Variants in STX16 observed in about 807,000 individuals in gnomAD.
STX16 encodes syntaxin 16, also known as syntaxin-16.
A neutral mutation model predicts 42.7 loss-of-function variants in STX16; 28 were observed. The ratio of observed to expected loss-of-function variants is 0.66; its 90% CI spans 0.49 to 0.90. STX16 has a LOEUF of 0.90. Ranked by LOEUF, STX16 falls within the 40% of genes least tolerant of loss-of-function variation. The probability of loss-of-function intolerance (pLI) is 0.00; values close to 1 mark genes in which losing one functional copy is unlikely to be tolerated. For missense variants in STX16, 361 were observed against 420.9 expected (o/e 0.86, Z 1.24); for synonymous variants, 156 against 155.2 (o/e 1.00, Z -0.04).
chr20:58,657,232 TC>T lies in STX16; in HGVS notation c.133-2390del, dbSNP rs2083604744. On this transcript the variant is annotated intron_variant, in intron 1 of 8. Transcript: ENST00000371141. This position sits in a 1 kb window ranked among gnomAD's most constrained non-coding sequence, Gnocchi z 4.2. Reference sequence around the variant, plus strand: ...ATTCTAAGTTTTAGTACAAGCTGAGTCTGTTGGAAAATTAGTTCTCTGTCTT... The same window carrying T: ...ATTCTAAGTTTTAGTACAAGCTGAGTTGTTGGAAAATTAGTTCTCTGTCTT... Among the ~76,000 whole-genome samples the T allele has an allele frequency of 6.6e-6, 1 of 152,242 alleles. No homozygotes were observed. The highest frequency in any genetic ancestry group is 1.5e-5 in the Non-Finnish European group (1 of 68,044).
chr20:58,676,381 C>A lies in STX16; in HGVS notation c.*90C>A. 1 of 1,190,170 alleles carries A rather than the reference C, an allele frequency of 8.4e-7. No homozygotes were observed. The highest frequency in any genetic ancestry group is 1.3e-6 in the Non-Finnish European group (1 of 799,912). 73.7% of individuals were successfully genotyped at this position (1,190,170 alleles called of 1,614,324 possible). ...GCCCCGCCAGCTGCCCGCAGAGGTG[C>A]AGCCTCGAGGAATCTGAGGGCGTCG... is the stretch of plus-strand genomic sequence containing the variant. On this transcript the variant is annotated 3_prime_UTR_variant, in exon 9 of 9. Coordinates refer to ENST00000371141, the MANE Select transcript of STX16 (RefSeq NM_001001433.3).
intron 1 of STX16, among the ~76,000 whole-genome samples, chr20:58,655,175 TACAC>T (rs2083558629): frequency 6.6e-6 from 1 of 151,878 alleles, no homozygotes; most frequent in Non-Finnish European, 1.5e-5. Flanking sequence ...CAACTAAAAA[TACAC>T]CTAAAATAAC....
At chr20:58,664,386 C>A (rs916856042) in intron 2 of STX16, among the ~76,000 whole-genome samples, 9 of 152,268 alleles carry the variant, frequency 5.9e-5, no homozygotes, top group African/African-American at 2.2e-4. Flanking sequence ...TTATAATGAA[C>A]TATAGCTATA....
intron 8 of STX16, among the ~76,000 whole-genome samples, chr20:58,675,791 CTG>C (rs2084102678): frequency 6.6e-6 from 1 of 152,230 alleles, no homozygotes; most frequent in Non-Finnish European, 1.5e-5. Flanking sequence ...GGTGAAGGAA[CTG>C]TGCATTCGCT....
At chr20:58,664,351 T>A (rs1312217316) in intron 2 of STX16, among the ~76,000 whole-genome samples, 1 of 152,266 alleles carries the variant, frequency 6.6e-6, no homozygotes, top group African/African-American at 2.4e-5. Flanking sequence ...GACACATTTC[T>A]TCTCAATAGG....
intron 1 of STX16, among the ~76,000 whole-genome samples, chr20:58,652,666 C>T (rs2083496665): frequency 6.6e-6 from 1 of 151,960 alleles, no homozygotes; most frequent in Non-Finnish European, 1.5e-5. Flanking sequence ...TTTAACGGCC[C>T]CGCAGCCCTC....
At chr20:58,673,072 T>G (rs542013328) in intron 7 of STX16, among the ~76,000 whole-genome samples, 1 of 152,216 alleles carries the variant, frequency 6.6e-6, no homozygotes, top group African/African-American at 2.4e-5. Flanking sequence ...GTTTAAGAGA[T>G]TAAACAATTA....
Position 58,670,689 on chromosome 20 carries a change from A to G in STX16, c.648+86A>G, listed in dbSNP as rs1052108101. 4.5e-6 allele frequency: 5 copies of G among 1,102,482 alleles called. No individual in the cohort carries two copies. The African/African-American group carries it at 4.6e-5, about 10-fold the overall frequency. The allele number at this position is 1,102,482 out of a possible 1,614,324, so 68.3% of individuals were successfully genotyped here. On this transcript the variant is annotated intron_variant, in intron 6 of 8. Transcript: ENST00000371141. ...CCTCCTAGACCTCGATCTTCTGTGC[A>G]GTGTCAGTGGATTGATACAGTTGAC...
intron 2 of STX16, among the ~76,000 whole-genome samples, chr20:58,660,486 C>A (rs980358478): frequency 4.6e-5 from 7 of 152,112 alleles, no homozygotes; most frequent in African/African-American, 1.7e-4. Context: ...TTCAGATCTA[C>A]CTATATATTC....
At chr20:58,654,150 T>G (rs2083536694) in intron 1 of STX16, among the ~76,000 whole-genome samples, 1 of 152,172 alleles carries the variant, frequency 6.6e-6, no homozygotes, top group Non-Finnish European at 1.5e-5. Flanking sequence ...TTAAAAAATG[T>G]TTTCTAAATG....
chr20:58,662,818 C>T lies in STX16; in HGVS notation c.144+3184C>T, dbSNP rs369077370. Among the ~76,000 whole-genome samples, 15 of 152,292 alleles carry T rather than the reference C, an allele frequency of 9.8e-5. No individual in the cohort carries two copies. The East Asian group carries it at 1.7e-3, about 18-fold the overall frequency. On this transcript the variant is annotated intron_variant, in intron 2 of 8. Transcript: ENST00000371141. ...CTAGGATTACAGGCGTGAGCCACTGCGTCATCCTATGCCATTTTAAAAGTA... is the reference window on the plus strand; with the variant it reads ...CTAGGATTACAGGCGTGAGCCACTGTGTCATCCTATGCCATTTTAAAAGTA...
intron 6 of STX16, 31 bp downstream of exon 6, chr20:58,670,634 G>C: frequency 1.9e-6 from 3 of 1,570,842 alleles, no homozygotes; most frequent in Non-Finnish European, 2.6e-6. Flanking sequence ...GCTGATTGCT[G>C]TGTCTGTGCA....
intron 2 of STX16, among the ~76,000 whole-genome samples, chr20:58,664,139 G>T (rs2083763687): frequency 6.6e-6 from 1 of 152,202 alleles, no homozygotes; most frequent in Non-Finnish European, 1.5e-5. Flanking sequence ...AAGAAGACAT[G>T]TTTTTAAATG....
At chr20:58,674,272 G>C (rs2084050514) in intron 8 of STX16, among the ~76,000 whole-genome samples, 1 of 152,168 alleles carries the variant, frequency 6.6e-6, no homozygotes, top group African/African-American at 2.4e-5. Flanking sequence ...TAAGGTAGCT[G>C]TTTCAGGGAT....
At position 58,667,502 on chromosome 20, in the gene STX16, C is replaced by T. The variant is rs765221511; in HGVS notation, c.157C>T (p.Arg53Cys). The T allele has an allele frequency of 1.5e-5, 25 of 1,613,920 alleles. No individual in the cohort carries two copies. The highest frequency in any genetic ancestry group is 6.7e-5 in the East Asian group (3 of 44,880). The change falls in exon 3 of 9, where the codon CGT becomes TGT. Residue 53 changes from arginine (R) to cysteine (C), a missense_variant. Arg to Cys is a radical substitution (Grantham distance 180, BLOSUM62 -3). Coordinates refer to ENST00000371141, the MANE Select transcript of STX16 (RefSeq NM_001001433.3). ...TACTTTCCTGTAGCTTGCTGATGAC[C>T]GTATGGCACTGGTGTCAGGCATCAG... is the stretch of plus-strand genomic sequence containing the variant. ...AAELDELADD[R>C]MALVSGISLD...
At chr20:58,675,610 C>T (rs544202834) in intron 8 of STX16, among the ~76,000 whole-genome samples, 2 of 152,278 alleles carry the variant, frequency 1.3e-5, no homozygotes, top group South Asian at 2.1e-4. Context: ...TGGGAGGACG[C>T]GCCTCAGAGG....
In STX16 at chr20:58,676,296, C is replaced by A. The variant is rs765790050; in HGVS notation, c.*5C>A. On this transcript the variant is annotated 3_prime_UTR_variant, in exon 9 of 9. Transcript: ENST00000371141. ...GTTGGCGTGAAGTCTCGATAAGTGG[C>A]ATTGGGTTTTCGTGTGTGCCGCGCG... is the stretch of plus-strand genomic sequence containing the variant. The A allele has an allele frequency of 1.2e-6, 2 of 1,613,294 alleles. No individual in the cohort carries two copies. Among genetic ancestry groups the A allele is most frequent in the Non-Finnish European group, 1.7e-6 (2 of 1,179,228 alleles).
chr20:58,658,821 T>C (rs147326608), intron 1 of STX16, among the ~76,000 whole-genome samples: 4 of 152,252 alleles, frequency 2.6e-5, no homozygotes, highest in East Asian at 3.8e-4. Context: ...TCTGGTGTCA[T>C]GCTTCTCCCT....
chr20:58,664,463 C>T (rs1204868637), intron 2 of STX16, among the ~76,000 whole-genome samples: 1 of 152,216 alleles, frequency 6.6e-6, no homozygotes, highest in Admixed American at 6.5e-5. Context: ...ATCAGCTGTT[C>T]TATCTTACTG....
Sources: gnomAD v4.1 joint callset for allele counts (sites outside exome capture counted in the v4.1 genomes callset) on GRCh38, gnomAD v4.1.1 for gene constraint, Gnocchi (gnomAD v3.1) non-coding constraint, MANE v1.5 for transcripts, NCBI Gene and HGNC (gene_info 2026-07-23, HGNC 2026-07-21) for gene names.